Variants in CDH23 observed in about 807,000 individuals in gnomAD.
The protein encoded by CDH23 is cadherin related 23.
A neutral mutation model predicts 317.1 loss-of-function variants in CDH23; 189 were observed. The ratio of observed to expected loss-of-function variants is 0.60; its 90% confidence interval spans 0.53 to 0.67. CDH23 has a LOEUF of 0.67. Among genes scored for constraint, CDH23 ranks in the 30% least tolerant of loss-of-function variants. CDH23 has a pLI of 0.00. For missense variants in CDH23, 4,401 were observed against 4,592.4 expected, an observed-to-expected ratio of 0.96 and a Z score of 1.20; for synonymous variants, 1,839 against 1,876.8, an observed-to-expected ratio of 0.98 and a Z score of 0.52.
Position 71,801,150 on chromosome 10 carries a change from C to CTTTT in CDH23, c.7482+414_7482+417dup, listed in dbSNP as rs386371783. 8.1e-3 allele frequency among the ~76,000 whole-genome samples: 596 copies of CTTTT among 73,968 alleles called. 10 individuals are homozygous for CTTTT. The highest frequency in any genetic ancestry group is 0.014 in the South Asian group (24 of 1,716). 48.5% of individuals were successfully genotyped at this position (73,968 alleles called of 152,430 possible). A position where few individuals can be genotyped will look rare whatever the true frequency, so the allele number is the denominator to read the frequency against. Reference sequence around the variant, plus strand: ...CATCTTTATTTATGTCTCTCTCTCTCTTTTTTTTTTTTTTTTTTTTTTGAG... The same window carrying CTTTT: ...CATCTTTATTTATGTCTCTCTCTCTCTTTTTTTTTTTTTTTTTTTTTTTTTTGAG... On this transcript the variant is annotated intron_variant, in intron 53 of 69. Coordinates refer to ENST00000224721, the MANE Select transcript of CDH23 (RefSeq NM_022124.6).
At chr10:71,516,769 G>T (rs1490294066) in intron 6 of CDH23, among the ~76,000 whole-genome samples, 5 of 152,306 alleles carry the variant, frequency 3.3e-5, no homozygotes, top group Middle Eastern at 6.8e-3. Context: ...GGATTAGGAG[G>T]CAGGCCTGGG....
At chr10:71,788,702 G>C (rs1051522980) in intron 44 of CDH23, among the ~76,000 whole-genome samples, 1 of 151,366 alleles carries the variant, frequency 6.6e-6, no homozygotes, top group Non-Finnish European at 1.5e-5. Context: ...TGATCTGCCC[G>C]TCTTGGCCTC....
At chr10:71,672,149 GT>G (rs747265589) in intron 14 of CDH23, among the ~76,000 whole-genome samples, 2 of 152,216 alleles carry the variant, frequency 1.3e-5, no homozygotes, top group East Asian at 3.9e-4. Flanking sequence ...TGCCTTGGGG[GT>G]CAGGGAGGGC....
At chr10:71,736,094 C>T (rs1238002032) in intron 34 of CDH23, among the ~76,000 whole-genome samples, 2 of 152,250 alleles carry the variant, frequency 1.3e-5, no homozygotes, top group Non-Finnish European at 2.9e-5. Context: ...GGAGGTCCCC[C>T]TGCGTGGACT....
chr10:71,751,429 C>T lies in CDH23; in HGVS notation c.4845+9508C>T, dbSNP rs1488516092. 7.4e-5 allele frequency: 29 copies of T among 390,616 alleles called. No homozygotes were observed. The African/African-American group carries it at 7.7e-4, about 10-fold the overall frequency. 24.2% of individuals were successfully genotyped at this position (390,616 alleles called of 1,614,324 possible). A position where few individuals can be genotyped will look rare whatever the true frequency, so the allele number is the denominator to read the frequency against. On this transcript the variant is annotated intron_variant, in intron 38 of 69. Transcript: ENST00000224721. This position sits in a 1 kb window ranked among gnomAD's most constrained non-coding sequence, Gnocchi z 4.9. ...CACCCTCAACCCCACCCCGTGAGGC[C>T]GTGGAACTCTTCAGGGAGGTGAATG...
chr10:71,715,269 TGGG>T (rs1210267819), intron 28 of CDH23: 5 of 152,198 alleles, frequency 3.3e-5, no homozygotes, highest in Non-Finnish European at 7.3e-5. Context: ...GATCCCAACG[TGGG>T]TGCCCTGAAG....
At chr10:71,475,644 G>A (rs375890137) in intron 3 of CDH23, among the ~76,000 whole-genome samples, 1 of 152,218 alleles carries the variant, frequency 6.6e-6, no homozygotes, top group Admixed American at 6.5e-5. Context: ...TCTGTCACCC[G>A]AGGGGTCCCC....
intron 9 of CDH23, among the ~76,000 whole-genome samples, chr10:71,600,610 G>A (rs549148704): frequency 1.0e-3 from 153 of 148,722 alleles, no homozygotes; most frequent in African/African-American, 3.6e-3. Context: ...TCTGCCTCCC[G>A]GGTTCAAGCG....
intron 9 of CDH23, among the ~76,000 whole-genome samples, chr10:71,589,245 A>G (rs1859294995): frequency 6.6e-6 from 1 of 152,020 alleles, no homozygotes; most frequent in African/African-American, 2.4e-5. Flanking sequence ...TTAGCCTCCC[A>G]AGTAGTTGGG....
At chr10:71,405,345 G>A (rs1848044827) in intron 1 of CDH23, among the ~76,000 whole-genome samples, 1 of 152,208 alleles carries the variant, frequency 6.6e-6, no homozygotes, top group East Asian at 1.9e-4. Context: ...GGGAACCAGT[G>A]GCAATGGAAC....
At chr10:71,512,729 A>T (rs1854066983) in intron 6 of CDH23, among the ~76,000 whole-genome samples, 1 of 152,190 alleles carries the variant, frequency 6.6e-6, no homozygotes, top group South Asian at 2.1e-4. Flanking sequence ...AGGAGATGTG[A>T]CTTCCAACAC....
At chr10:71,517,834 C>T (rs1854424906) in intron 6 of CDH23, among the ~76,000 whole-genome samples, 1 of 152,214 alleles carries the variant, frequency 6.6e-6, no homozygotes, top group Non-Finnish European at 1.5e-5. Context: ...GAGCGGCAGC[C>T]CCAGACGATG....
At chr10:71,725,101 G>A (rs1251240669) in intron 29 of CDH23, among the ~76,000 whole-genome samples, 6 of 152,180 alleles carry the variant, frequency 3.9e-5, no homozygotes, top group Admixed American at 2.6e-4. Context: ...CCCACCTGCT[G>A]GGGACCATCA....
chr10:71,409,362 T>G (rs1170144468), intron 1 of CDH23, among the ~76,000 whole-genome samples: 1 of 152,126 alleles, frequency 6.6e-6, no homozygotes, highest in Non-Finnish European at 1.5e-5. Context: ...CCAAGGGCAA[T>G]GAGCTTAAAC....
chr10:71,446,516 G>T (rs1251353838), intron 3 of CDH23, 121 bp downstream of exon 3: 61 of 987,548 alleles, frequency 6.2e-5, no homozygotes, highest in Non-Finnish European at 9.3e-6. Context: ...CTTTTCCATT[G>T]TGTAGAAAGG....
chr10:71,694,288 C>G (rs1049794638), intron 21 of CDH23, 29 bp downstream of exon 21: 2 of 1,553,698 alleles, frequency 1.3e-6, no homozygotes, highest in Non-Finnish European at 1.8e-6. Context: ...CGTGCCCCAG[C>G]TCCCCCTCGC....
chr10:71,752,898 C>T lies in CDH23; in HGVS notation c.4845+10977C>T. ...AGCTGCTCTAGGCAGCTAAACAGGG[C>T]CCCTACTGCACAGAAGTATCTCTTC... is the stretch of plus-strand genomic sequence containing the variant. On this transcript the variant is annotated intron_variant, in intron 38 of 69. Coordinates refer to ENST00000224721, the MANE Select transcript of CDH23 (RefSeq NM_022124.6). 3.3e-6 allele frequency: 5 copies of T among 1,531,276 alleles called. No individual in the cohort carries two copies. In the South Asian group the frequency reaches 4.6e-5, roughly 14 times the overall value. The allele number at this position is 1,531,276 out of a possible 1,614,324, so 94.9% of individuals were successfully genotyped here.
chr10:71,629,941 T>C (rs532969813), intron 11 of CDH23, among the ~76,000 whole-genome samples: 51 of 152,328 alleles, frequency 3.3e-4, no homozygotes, highest in Middle Eastern at 3.4e-3. Flanking sequence ...GGAAAAATGC[T>C]GAATTGTTCG....
intron 1 of CDH23, among the ~76,000 whole-genome samples, chr10:71,420,464 A>ATGATGGTGATGATGATGATGGTGATGG (rs1848725917): frequency 2.2e-4 from 1 of 4,446 alleles, no homozygotes; most frequent in African/African-American, 9.3e-4. Context: ...GATGATAATG[A>ATGATGGTGATGATGATGATGGTGATGG]TGATGGTGAT....
Sources: allele counts gnomAD v4.1 joint callset (sites outside exome capture counted in the v4.1 genomes callset), GRCh38; gene constraint gnomAD v4.1.1; non-coding constraint Gnocchi (gnomAD v3.1); transcripts MANE v1.5; gene names NCBI Gene and HGNC (gene_info 2026-07-23, HGNC 2026-07-21).